Variants in TRIM24 observed in about 807,000 individuals in gnomAD.
The protein encoded by TRIM24 is transcription intermediary factor 1-alpha.
In TRIM24, 29 loss-of-function variants were observed where a neutral mutation model predicts 123.9. The ratio of observed to expected loss-of-function variants is 0.23; its 90% confidence interval spans 0.17 to 0.32. The LOEUF (loss-of-function observed/expected upper bound fraction) is 0.32. Among genes scored for constraint, TRIM24 ranks in the 10% least tolerant of loss-of-function variants. The probability of loss-of-function intolerance (pLI) is 1.00; values close to 1 mark genes in which losing one functional copy is unlikely to be tolerated. For synonymous variants in TRIM24, 456 were observed against 461.1 expected, an observed-to-expected ratio of 0.99 and a Z score of 0.14; for missense variants, 932 against 1,295.3, an observed-to-expected ratio of 0.72 and a Z score of 4.31.
At chr7:138,571,864 CCCAGCCAGTAT>C (rs1797664362) in intron 11 of TRIM24, among the ~76,000 whole-genome samples, 1 of 82,054 alleles carries the variant, frequency 1.2e-5, no homozygotes, top group Non-Finnish European at 3.0e-5. Flanking sequence ...AGCCACTACA[CCCAGCCAGTAT>C]GACTATTCCA....
intron 7 of TRIM24, among the ~76,000 whole-genome samples, chr7:138,550,344 T>C (rs919341737): frequency 6.6e-6 from 1 of 151,732 alleles, no homozygotes; most frequent in African/African-American, 2.4e-5. Context: ...TGTGTGTGTG[T>C]GCAAAGTCTT....
In TRIM24 at chr7:138,570,994, T is replaced by A; in HGVS notation, c.1869T>A (p.Ser623=). The change falls in exon 11 of 19, where the codon TCT becomes TCA. Residue 623 remains serine (S), a synonymous_variant. Transcript: ENST00000343526. ...TGGGAGGGTCTTATAATCTTCCCTC[T>A]CTTCCGGATGTAAGTAGACACAAAA... is the stretch of plus-strand genomic sequence containing the variant. ...SPVGGSYNLP[S]LPDIDCSSTI... The A allele has an allele frequency of 1.2e-6, 2 of 1,613,898 alleles. No individual in the cohort carries two copies. The highest frequency in any genetic ancestry group is 1.1e-5 in the South Asian group (1 of 91,082).
intron 9 of TRIM24, among the ~76,000 whole-genome samples, chr7:138,561,910 C>T (rs890414114): frequency 2.0e-4 from 31 of 152,084 alleles, no homozygotes; most frequent in African/African-American, 7.5e-4. Flanking sequence ...AATTTGGGAT[C>T]CAGATACAGC....
At chr7:138,531,211 G>GTATACA (rs1796728194) in intron 6 of TRIM24, among the ~76,000 whole-genome samples, 1 of 145,572 alleles carries the variant, frequency 6.9e-6, no homozygotes, top group African/African-American at 2.7e-5. Flanking sequence ...ACATGTATAC[G>GTATACA]TGTATGTTAC....
At chr7:138,579,642 T>C (rs1797851520) in intron 15 of TRIM24, 110 bp downstream of exon 15, 3 of 850,280 alleles carry the variant, frequency 3.5e-6, no homozygotes, top group Non-Finnish European at 5.4e-6. Flanking sequence ...CACAAGTGTA[T>C]ACTCCAAAAT....
At chr7:138,463,575 T>G (rs1795061249) in intron 1 of TRIM24, among the ~76,000 whole-genome samples, 1 of 152,154 alleles carries the variant, frequency 6.6e-6, no homozygotes, top group Non-Finnish European at 1.5e-5. Flanking sequence ...TTGTAGCCAA[T>G]TAAGATCTGA....
intron 1 of TRIM24, among the ~76,000 whole-genome samples, chr7:138,473,676 A>G (rs889570432): frequency 6.6e-6 from 1 of 152,224 alleles, no homozygotes; most frequent in African/African-American, 2.4e-5. Context: ...TATGCTTACT[A>G]GTTGATAGTC....
intron 17 of TRIM24, among the ~76,000 whole-genome samples, chr7:138,583,134 A>G (rs1286960823): frequency 1.3e-5 from 2 of 152,240 alleles, no homozygotes; most frequent in African/African-American, 4.8e-5. Context: ...ACCCAGGACC[A>G]TGACACTGAG....
chr7:138,541,644 A>G (rs1044155026), intron 7 of TRIM24, among the ~76,000 whole-genome samples: 1 of 152,210 alleles, frequency 6.6e-6, no homozygotes, highest in African/African-American at 2.4e-5. Flanking sequence ...ATTTCAAGTC[A>G]TCAGCTACAT....
chr7:138,531,206 T>TATGTGTATGTTAC (rs1796727510), intron 6 of TRIM24, among the ~76,000 whole-genome samples: 1 of 148,816 alleles, frequency 6.7e-6, no homozygotes, highest in African/African-American at 2.6e-5. Context: ...TGTATACATG[T>TATGTGTATGTTAC]ATACGTGTAT....
At chr7:138,503,720 C>T (rs1249295855) in intron 1 of TRIM24, among the ~76,000 whole-genome samples, 2 of 151,882 alleles carry the variant, frequency 1.3e-5, no homozygotes, top group African/African-American at 4.8e-5. Flanking sequence ...TGGTGTGCTG[C>T]ACCCGTTAAC....
chr7:138,489,040 G>C (rs1171058540), intron 1 of TRIM24, among the ~76,000 whole-genome samples: 1 of 152,058 alleles, frequency 6.6e-6, no homozygotes, highest in Non-Finnish European at 1.5e-5. Flanking sequence ...TCCTGTATTG[G>C]GTGCATATAT....
chr7:138,524,631 C>T (rs896179735), intron 4 of TRIM24, among the ~76,000 whole-genome samples: 6 of 152,170 alleles, frequency 3.9e-5, no homozygotes, highest in Middle Eastern at 3.4e-3. Flanking sequence ...TCTTCTATAT[C>T]GTTGCCTTTC....
intron 15 of TRIM24, among the ~76,000 whole-genome samples, chr7:138,580,101 GATC>G (rs1314127705): frequency 1.3e-5 from 2 of 152,108 alleles, no homozygotes; most frequent in African/African-American, 4.8e-5. Flanking sequence ...TGGGGATGAT[GATC>G]ATCATCATGA....
At chr7:138,532,645 G>C (rs1796772418) in intron 6 of TRIM24, among the ~76,000 whole-genome samples, 1 of 152,196 alleles carries the variant, frequency 6.6e-6, no homozygotes. Context: ...GTCAGGTAGT[G>C]TGATGTCTCC....
At chr7:138,565,936 A>T (rs189862413) in intron 9 of TRIM24, among the ~76,000 whole-genome samples, 2 of 152,272 alleles carry the variant, frequency 1.3e-5, no homozygotes, top group African/African-American at 4.8e-5. Context: ...GAAATTGAGT[A>T]ATGGTAAGGG....
chr7:138,584,618 C>G (rs1433336661), intron 18 of TRIM24, 124 bp from the exon 19 acceptor site: 8 of 734,574 alleles, frequency 1.1e-5, no homozygotes, highest in African/African-American at 3.6e-5. Flanking sequence ...GAGACTTTGT[C>G]TAGTCCTAAA....
chr7:138,488,878 G>A (rs1795715603), intron 1 of TRIM24, among the ~76,000 whole-genome samples: 1 of 152,160 alleles, frequency 6.6e-6, no homozygotes, highest in African/African-American at 2.4e-5. Flanking sequence ...TTGGTGCAAA[G>A]CTGAGTTCAA....
Position 138,585,653 on chromosome 7 carries a change from G to A in TRIM24, c.*702G>A. On this transcript the variant is annotated 3_prime_UTR_variant, in exon 19 of 19. Coordinates refer to ENST00000343526, the MANE Select transcript of TRIM24 (RefSeq NM_015905.3). ...GTATTTTGGTATAGCAGGTTTTCAA[G>A]GCCATTTTTTATACATTTCTAGATC... 1 of 370,684 alleles carries A rather than the reference G, an allele frequency of 2.7e-6. No homozygotes were observed. Among genetic ancestry groups the A allele is most frequent in the South Asian group, 2.2e-5 (1 of 46,088 alleles). 23.0% of individuals were successfully genotyped at this position (370,684 alleles called of 1,614,324 possible). A position where few individuals can be genotyped will look rare whatever the true frequency, so the allele number is the denominator to read the frequency against.
Sources: gnomAD v4.1 joint callset for allele counts (sites outside exome capture counted in the v4.1 genomes callset) on GRCh38, gnomAD v4.1.1 for gene constraint, MANE v1.5 for transcripts, NCBI Gene and HGNC (gene_info 2026-07-23, HGNC 2026-07-21) for gene names.